The following RALGAPA1 variants were observed in gnomAD, a reference collection of about 807,000 sequenced individuals.
RALGAPA1 encodes Ral GTPase activating protein catalytic subunit alpha 1, also known as ral GTPase-activating protein subunit alpha-1.
A neutral mutation model predicts 269.6 loss-of-function variants in RALGAPA1; 52 were observed. The observed-to-expected ratio is 0.19, with a 90% CI of 0.15 to 0.24. The LOEUF (loss-of-function observed/expected upper bound fraction) is 0.24, where lower values mean the gene tolerates loss of function less well. Among genes scored for constraint, RALGAPA1 ranks in the 10% least tolerant of loss-of-function variants. RALGAPA1 has a pLI of 1.00. For missense variants in RALGAPA1, 1,917 were observed against 3,013.9 expected, an observed-to-expected ratio of 0.64 and a Z score of 8.52; for synonymous variants, 817 against 1,008.3, an observed-to-expected ratio of 0.81 and a Z score of 3.60.
chr14:35,651,780 AATC>A (rs1307005577), intron 31 of RALGAPA1, 22 bp downstream of exon 31: 2 of 1,572,714 alleles, frequency 1.3e-6, no homozygotes, highest in East Asian at 2.3e-5. Context: ...ACCACATACT[AATC>A]ATCAAACAAA....
chr14:35,706,281 T>C (rs1196374576), intron 16 of RALGAPA1, among the ~76,000 whole-genome samples: 1 of 152,222 alleles, frequency 6.6e-6, no homozygotes, highest in Non-Finnish European at 1.5e-5. Context: ...ACATCACATT[T>C]AGGTCTATGA....
At chr14:35,579,837 C>T (rs970263267) in intron 37 of RALGAPA1, among the ~76,000 whole-genome samples, 7 of 152,214 alleles carry the variant, frequency 4.6e-5, no homozygotes, top group African/African-American at 7.2e-5. Flanking sequence ...TATAATTTCA[C>T]AGCACTTATT....
At chr14:35,608,930 C>A (rs1160865276) in intron 35 of RALGAPA1, among the ~76,000 whole-genome samples, 1 of 152,018 alleles carries the variant, frequency 6.6e-6, no homozygotes, top group East Asian at 1.9e-4. Context: ...CAGGATAGAC[C>A]ATAAAACAAG....
At chr14:35,663,655 T>C (rs1190547258) in intron 27 of RALGAPA1, among the ~76,000 whole-genome samples, 1 of 148,924 alleles carries the variant, frequency 6.7e-6, no homozygotes, top group Non-Finnish European at 1.5e-5. Context: ...AGTGGCGCAA[T>C]CTCGGCTCAC....
chr14:35,791,190 G>A (rs945026338), intron 1 of RALGAPA1, among the ~76,000 whole-genome samples: 1 of 152,168 alleles, frequency 6.6e-6, no homozygotes. Flanking sequence ...TAGTAGGAAG[G>A]CTGACTTCTT....
At chr14:35,770,007 C>T (rs1044159704) in intron 4 of RALGAPA1, among the ~76,000 whole-genome samples, 4 of 152,054 alleles carry the variant, frequency 2.6e-5, no homozygotes, top group African/African-American at 9.7e-5. Flanking sequence ...TACAATATTC[C>T]TCATAAACAG....
intron 31 of RALGAPA1, among the ~76,000 whole-genome samples, chr14:35,635,987 C>G (rs760587224): frequency 6.6e-6 from 1 of 152,184 alleles, no homozygotes; most frequent in Non-Finnish European, 1.5e-5. Context: ...AACAACATCT[C>G]ACTGAATAGC....
Position 35,612,913 on chromosome 14 carries a change from A to G in RALGAPA1, c.6930-7204T>C, listed in dbSNP as rs1041022577. Among the ~76,000 whole-genome samples the G allele has an allele frequency of 7.9e-4, 120 of 152,210 alleles. 2 individuals are homozygous for G. The highest frequency in any genetic ancestry group is 1.9e-4 in the East Asian group (1 of 5,166). On this transcript the variant is annotated intron_variant, in intron 35 of 41. Coordinates refer to ENST00000680220, the MANE Select transcript of RALGAPA1 (RefSeq NM_001346249.2). ...AATAGGTAAACTGAACTTTGTCAAA[A>G]TTAAATTTTTTGTGCTATGAGTGAT...
At chr14:35,734,142 C>A (rs1042830440) in intron 12 of RALGAPA1, among the ~76,000 whole-genome samples, 1 of 152,028 alleles carries the variant, frequency 6.6e-6, no homozygotes, top group Non-Finnish European at 1.5e-5. Context: ...AAGTGATCTA[C>A]AAATTCAATG....
intron 1 of RALGAPA1, among the ~76,000 whole-genome samples, chr14:35,794,017 T>C (rs1293361804): frequency 6.6e-6 from 1 of 152,228 alleles, no homozygotes; most frequent in East Asian, 1.9e-4. Flanking sequence ...AGTAAATCAA[T>C]TCTTCATAAA....
At chr14:35,597,709 C>A (rs925242717) in intron 36 of RALGAPA1, among the ~76,000 whole-genome samples, 2 of 152,156 alleles carry the variant, frequency 1.3e-5, no homozygotes, top group Non-Finnish European at 2.9e-5. Flanking sequence ...CCTACTCTAT[C>A]CCCTCCTTAA....
intron 9 of RALGAPA1, among the ~76,000 whole-genome samples, chr14:35,749,299 A>T (rs1367221268): frequency 6.6e-6 from 1 of 152,196 alleles, no homozygotes; most frequent in African/African-American, 2.4e-5. Context: ...AAAACAAAGG[A>T]ACAAAATTTA....
chr14:35,626,456 T>G (rs549315491), intron 34 of RALGAPA1, among the ~76,000 whole-genome samples: 92 of 152,304 alleles, frequency 6.0e-4, no homozygotes, highest in Non-Finnish European at 1.1e-3. Flanking sequence ...TAATAATGCT[T>G]TACATTAGTG....
At chr14:35,678,933 A>G (rs116503357) in intron 21 of RALGAPA1, among the ~76,000 whole-genome samples, 2 of 152,122 alleles carry the variant, frequency 1.3e-5, no homozygotes, top group African/African-American at 4.8e-5. Flanking sequence ...AGATGCTCTC[A>G]CTGAACCCTG....
intron 3 of RALGAPA1, 78 bp downstream of exon 3, chr14:35,774,928 T>C (rs1463001192): frequency 3.4e-6 from 3 of 881,360 alleles, no homozygotes; most frequent in African/African-American, 1.7e-5. Flanking sequence ...TTACATGTTT[T>C]ATAATTTAAA....
chr14:35,767,273 C>T (rs891363650), intron 4 of RALGAPA1, among the ~76,000 whole-genome samples: 1 of 152,056 alleles, frequency 6.6e-6, no homozygotes, highest in Admixed American at 6.6e-5. Context: ...GAATATACAA[C>T]ATGCTAAAAT....
At chr14:35,647,863 G>T (rs1289062669) in intron 31 of RALGAPA1, among the ~76,000 whole-genome samples, 1 of 151,480 alleles carries the variant, frequency 6.6e-6, no homozygotes, top group Non-Finnish European at 1.5e-5. Context: ...CAGGAGAATT[G>T]CTTGAACCTG....
At chr14:35,734,029 G>A (rs986045737) in intron 12 of RALGAPA1, among the ~76,000 whole-genome samples, 1 of 151,996 alleles carries the variant, frequency 6.6e-6, no homozygotes, top group Non-Finnish European at 1.5e-5. Flanking sequence ...GGAAAACTAC[G>A]AAACACTGCT....
intron 10 of RALGAPA1, among the ~76,000 whole-genome samples, chr14:35,748,092 G>A (rs1282772830): frequency 4.6e-5 from 7 of 151,838 alleles, no homozygotes; most frequent in Non-Finnish European, 7.4e-5. Flanking sequence ...TGATAGAAGA[G>A]TTTCAATCTA....
Sources: allele counts gnomAD v4.1 joint callset (sites outside exome capture counted in the v4.1 genomes callset), GRCh38; gene constraint gnomAD v4.1.1; transcripts MANE v1.5; gene names NCBI Gene and HGNC (gene_info 2026-07-23, HGNC 2026-07-21).